TENM3: variants seen among roughly 807,000 people sequenced by gnomAD.
TENM3 encodes the protein teneurin-3.
A neutral mutation model predicts 255.1 loss-of-function variants in TENM3; 63 were observed. The observed-to-expected ratio is 0.25, with a 90% CI of 0.20 to 0.30. TENM3 has a LOEUF of 0.30. Ranked by LOEUF, TENM3 falls within the 10% of genes least tolerant of loss-of-function variation. The pLI is 1.00. For missense variants in TENM3, 2,929 were observed against 3,461.1 expected (o/e 0.85, Z 3.86); for synonymous variants, 1,306 against 1,322.3 (o/e 0.99, Z 0.27).
At chr4:181,979,107 TATATATATA>T in the TENM3 span, among the ~76,000 whole-genome samples, 2 of 14,038 alleles carry the variant, frequency 1.4e-4, no homozygotes, top group African/African-American at 6.3e-4. Context: ...CATATATATA[TATATATATA>T]TATATATATA....
At chr4:182,571,253 C>T (rs1298626104) in intron 3 of TENM3, among the ~76,000 whole-genome samples, 1 of 151,992 alleles carries the variant, frequency 6.6e-6, no homozygotes, top group African/African-American at 2.4e-5. Context: ...AGGCCAGGCA[C>T]GATGGCTCCC....
At chr4:182,511,956 C>T (rs1470915675) in intron 3 of TENM3, among the ~76,000 whole-genome samples, 1 of 152,078 alleles carries the variant, frequency 6.6e-6, no homozygotes, top group East Asian at 1.9e-4. Context: ...TAGAAAATGA[C>T]ACTAATTAGA....
chr4:182,100,600 C>CACAT, the TENM3 span, among the ~76,000 whole-genome samples: 661 of 22,230 alleles, frequency 0.03, 52 homozygotes, highest in African/African-American at 0.037. Flanking sequence ...CATATATACA[C>CACAT]ATATATACAC....
chr4:181,845,864 A>T, the TENM3 span, among the ~76,000 whole-genome samples: 1 of 152,210 alleles, frequency 6.6e-6, no homozygotes, highest in Non-Finnish European at 1.5e-5. Flanking sequence ...AAGAGGGCAA[A>T]TGTGCTTCTC....
At chr4:181,765,748 C>T in the TENM3 span, among the ~76,000 whole-genome samples, 4 of 152,170 alleles carry the variant, frequency 2.6e-5, no homozygotes, top group East Asian at 3.9e-4. Flanking sequence ...TGATTAAACC[C>T]CCATCATCAC....
At chr4:182,219,021 G>A (rs1755691224) in intron 1 of TENM3, among the ~76,000 whole-genome samples, 1 of 152,184 alleles carries the variant, frequency 6.6e-6, no homozygotes. Flanking sequence ...TCAGGAGCTG[G>A]AGACCAGCCT....
At chr4:182,262,622 A>C (rs756616715) in intron 1 of TENM3, among the ~76,000 whole-genome samples, 1 of 152,116 alleles carries the variant, frequency 6.6e-6, no homozygotes, top group South Asian at 2.1e-4. Flanking sequence ...CCCCTTGTTT[A>C]GCATATAATC....
the TENM3 span, among the ~76,000 whole-genome samples, chr4:181,908,749 G>A: frequency 1.6e-4 from 24 of 152,156 alleles, no homozygotes; most frequent in South Asian, 1.7e-3. Flanking sequence ...TTAATTTTTC[G>A]TTTGGAGTAA....
At chr4:181,554,666 C>A in the TENM3 span, among the ~76,000 whole-genome samples, 1 of 152,168 alleles carries the variant, frequency 6.6e-6, no homozygotes, top group Admixed American at 6.5e-5. Context: ...ATTTAGCCTT[C>A]TGAAAACACT....
the TENM3 span, among the ~76,000 whole-genome samples, chr4:181,768,439 C>A: frequency 6.6e-6 from 1 of 152,162 alleles, no homozygotes; most frequent in African/African-American, 2.4e-5. Context: ...GCAATTCCGT[C>A]TAAAACATTA....
intron 4 of TENM3, among the ~76,000 whole-genome samples, chr4:182,604,380 T>TTTTCCTGAAAATTGTAA (rs1217126540): frequency 6.6e-6 from 1 of 152,244 alleles, no homozygotes; most frequent in Non-Finnish European, 1.5e-5. Context: ...TTGCTTACAA[T>TTTTCCTGAAAATTGTAA]TTTCCTGAAA....
At chr4:182,134,683 C>T in the TENM3 span, among the ~76,000 whole-genome samples, 1 of 152,140 alleles carries the variant, frequency 6.6e-6, no homozygotes, top group East Asian at 1.9e-4. Flanking sequence ...CTTCTTTCCC[C>T]CAGTCTGCTC....
At chr4:181,608,870 A>T in the TENM3 span, among the ~76,000 whole-genome samples, 1 of 152,244 alleles carries the variant, frequency 6.6e-6, no homozygotes, top group Non-Finnish European at 1.5e-5. Flanking sequence ...TGTGCTATTT[A>T]ATTGGAACAT....
chr4:182,188,533 T>G (rs1295119418), intron 1 of TENM3, among the ~76,000 whole-genome samples: 18 of 152,194 alleles, frequency 1.2e-4, no homozygotes. Context: ...TTTTTTGGTT[T>G]TGTTTTCATT....
chr4:181,900,447 G>T, the TENM3 span, among the ~76,000 whole-genome samples: 1 of 152,048 alleles, frequency 6.6e-6, no homozygotes, highest in Non-Finnish European at 1.5e-5. Flanking sequence ...ATATAAATAT[G>T]GTCCAATACC....
the TENM3 span, among the ~76,000 whole-genome samples, chr4:181,513,806 G>A: frequency 1.1e-3 from 167 of 152,246 alleles, no homozygotes; most frequent in Non-Finnish European, 2.0e-3. Flanking sequence ...CGTTCCTGAA[G>A]TTCATACCGT....
At chr4:182,576,486 G>A (rs780536320) in intron 3 of TENM3, among the ~76,000 whole-genome samples, 2 of 152,088 alleles carry the variant, frequency 1.3e-5, no homozygotes, top group Non-Finnish European at 2.9e-5. Flanking sequence ...GATGAGAGTG[G>A]TTAGAGCCAA....
In TENM3 at chr4:182,729,090, C is replaced by A. The variant is rs1234368695; in HGVS notation, c.2494C>A (p.Gln832Lys). The A allele has an allele frequency of 1.6e-5, 26 of 1,613,898 alleles. No individual in the cohort carries two copies. Among genetic ancestry groups the A allele is most frequent in the Non-Finnish European group, 2.0e-5 (24 of 1,179,910 alleles). Reference protein sequence around the residue: ...ISQSLQSPSQQAAKSFYDRIS... With the variant: ...ISQSLQSPSQKAAKSFYDRIS... The stretch of plus-strand genomic sequence containing the variant: ...CCAAAGCCTTCAATCGCCTTCTCAG[C>A]AAGCTGCCAAATCCTTTTATGATCG... Residue 832 changes from glutamine to lysine, a missense_variant, in exon 14 of 28, where the codon CAA becomes AAA. Coordinates refer to ENST00000511685, the MANE Select transcript of TENM3 (RefSeq NM_001080477.4).
intron 3 of TENM3, among the ~76,000 whole-genome samples, chr4:182,497,882 A>ATATC (rs1735933714): frequency 7.4e-6 from 1 of 135,096 alleles, no homozygotes; most frequent in African/African-American, 2.7e-5. Context: ...ATATATATAT[A>ATATC]TCTCAACCTA....
Sources: gnomAD v4.1 joint callset for allele counts (sites outside exome capture counted in the v4.1 genomes callset) on GRCh38, gnomAD v4.1.1 for gene constraint, MANE v1.5 for transcripts, NCBI Gene and HGNC (gene_info 2026-07-23, HGNC 2026-07-21) for gene names.